DOCK10: variants seen among roughly 807,000 people sequenced by gnomAD.
DOCK10 encodes dedicator of cytokinesis protein 10.
DOCK10 carries 145 observed loss-of-function variants against 280.1 expected under a neutral mutation model. The observed-to-expected ratio is 0.52, with a 90% confidence interval of 0.45 to 0.59. The LOEUF is 0.59. Among genes scored for constraint, DOCK10 ranks in the 20% least tolerant of loss-of-function variants. The pLI is 0.00. For missense variants in DOCK10, 2,368 were observed against 2,651.7 expected (o/e 0.89, Z 2.35); for synonymous variants, 915 against 942.2 (o/e 0.97, Z 0.53).
At chr2:224,947,381 T>G (rs1024732751) in intron 1 of DOCK10, among the ~76,000 whole-genome samples, 3 of 152,220 alleles carry the variant, frequency 2.0e-5, no homozygotes, top group African/African-American at 7.2e-5. Context: ...AAAAGTCAAC[T>G]GTAATAATAT....
chr2:224,867,255 A>G (rs1379598133), intron 11 of DOCK10, among the ~76,000 whole-genome samples: 2 of 152,204 alleles, frequency 1.3e-5, no homozygotes, highest in East Asian at 3.8e-4. Flanking sequence ...AACAGTGAGA[A>G]TGCGGGATCT....
intron 1 of DOCK10, among the ~76,000 whole-genome samples, chr2:225,035,359 G>T (rs575543247): frequency 4.2e-4 from 63 of 151,510 alleles, no homozygotes; most frequent in African/African-American, 1.4e-3. Context: ...CATTCTTACC[G>T]CATTCAAGCA....
intron 14 of DOCK10, chr2:224,862,048 A>C (rs1320137271): frequency 6.6e-6 from 1 of 152,322 alleles, no homozygotes; most frequent in Non-Finnish European, 1.5e-5. Context: ...ATGATTAAAC[A>C]GTTCTGAAAA....
At chr2:224,938,232 A>AC (rs1392635539) in intron 1 of DOCK10, among the ~76,000 whole-genome samples, 2 of 151,674 alleles carry the variant, frequency 1.3e-5, no homozygotes, top group African/African-American at 4.8e-5. Context: ...GCCATTTGGA[A>AC]CTCCCTCTTC....
At chr2:224,951,821 A>C (rs1703747670) in intron 1 of DOCK10, among the ~76,000 whole-genome samples, 1 of 152,130 alleles carries the variant, frequency 6.6e-6, no homozygotes, top group South Asian at 2.1e-4. Context: ...GTTGTTGGCA[A>C]AATTTATTCC....
At chr2:224,911,775 C>G (rs1176841680) in intron 3 of DOCK10, among the ~76,000 whole-genome samples, 1 of 152,082 alleles carries the variant, frequency 6.6e-6, no homozygotes, top group Non-Finnish European at 1.5e-5. Flanking sequence ...CCGTATACAC[C>G]CCCAAAGAGA....
chr2:224,982,585 G>A, intron 1 of DOCK10: 1 of 892,532 alleles, frequency 1.1e-6, no homozygotes, highest in Non-Finnish European at 1.3e-6. Context: ...AGGAATATTA[G>A]AGCACTGCGC....
chr2:224,859,164 G>A (rs1697341849), intron 14 of DOCK10, among the ~76,000 whole-genome samples: 1 of 152,136 alleles, frequency 6.6e-6, no homozygotes, highest in Non-Finnish European at 1.5e-5. Context: ...TGTTAAAGAC[G>A]TTGTCAGTAT....
rs759807866 is a variant in DOCK10 at position 224,896,284 on chromosome 2, C to A, written c.416+11G>T. ...GGAAAAGACCAATAAGTGCTCATAA[C>A]AGGTTCTTACCGGGGTAGCTGTCGA... On this transcript the variant is annotated intron_variant, in intron 4 of 55. Coordinates refer to ENST00000258390, the MANE Select transcript of DOCK10 (RefSeq NM_014689.3). 2.5e-5 allele frequency: 38 copies of A among 1,539,732 alleles called. No homozygotes were observed. In the East Asian group the frequency reaches 4.6e-4, roughly 18 times the overall value.
chr2:224,892,893 GC>G (rs1444733290), intron 4 of DOCK10, among the ~76,000 whole-genome samples: 2 of 152,214 alleles, frequency 1.3e-5, no homozygotes, highest in Non-Finnish European at 2.9e-5. Context: ...TGTCTGTGGG[GC>G]TACTATGCAA....
intron 1 of DOCK10, among the ~76,000 whole-genome samples, chr2:225,025,461 A>G (rs1689895518): frequency 6.6e-6 from 1 of 152,216 alleles, no homozygotes; most frequent in Admixed American, 6.5e-5. Flanking sequence ...AATATGACTC[A>G]CCACAACTAG....
chr2:224,952,802 C>A (rs573930844), intron 1 of DOCK10, among the ~76,000 whole-genome samples: 2 of 151,904 alleles, frequency 1.3e-5, no homozygotes, highest in Non-Finnish European at 2.9e-5. Flanking sequence ...CCGTTTTAGC[C>A]GGGATGGTCT....
intron 7 of DOCK10, among the ~76,000 whole-genome samples, chr2:224,883,414 A>T (rs1372378884): frequency 6.6e-6 from 1 of 152,238 alleles, no homozygotes; most frequent in Non-Finnish European, 1.5e-5. Flanking sequence ...TTAGGAAAAA[A>T]TATCCGGAAC....
intron 3 of DOCK10, among the ~76,000 whole-genome samples, chr2:224,896,649 G>A (rs1700004672): frequency 6.6e-6 from 1 of 152,188 alleles, no homozygotes; most frequent in South Asian, 2.1e-4. Flanking sequence ...CCCAGGAGGT[G>A]GAGGTTGCAG....
At position 224,961,514 on chromosome 2, in the gene DOCK10, A is replaced by ATTTT. The variant is rs201581266; in HGVS notation, c.124-29850_124-29847dup. Among the ~76,000 whole-genome samples, 31 of 78,738 alleles carry ATTTT rather than the reference A, an allele frequency of 3.9e-4. 1 individual carries two copies. Among genetic ancestry groups the ATTTT allele is most frequent in the East Asian group, 1.7e-3 (5 of 2,912 alleles). The allele number at this position is 78,738 out of a possible 152,430, so 51.7% of individuals were successfully genotyped here. A position where few individuals can be genotyped will look rare whatever the true frequency, so the allele number is the denominator to read the frequency against. On this transcript the variant is annotated intron_variant, in intron 1 of 55. Transcript: ENST00000258390. ...TCTTTCCTTCCTTCCTTCTTTCTTC[A>ATTTT]TTTTTTTTTTTGAGACGGAGCCTCG...
rs1433007493 is a variant in DOCK10, at chr2:224,800,192, T to C, written c.4465A>G (p.Thr1489Ala). 1.9e-6 allele frequency: 3 copies of C among 1,612,114 alleles called. No individual in the cohort carries two copies. The highest frequency in any genetic ancestry group is 1.7e-4 in the Middle Eastern group (1 of 6,052). Residue 1489 changes from threonine to alanine, a missense_variant, in exon 41 of 56, where the codon ACT becomes GCT. By Grantham distance (58) the Thr-to-Ala change is moderately conservative. Coordinates refer to ENST00000258390, the MANE Select transcript of DOCK10 (RefSeq NM_014689.3). Reference sequence around the variant, plus strand: ...AAGAGGGATAACAGGTCCAGAATAGTGAGGCAAACCTCCGTAGCTATATTG... The same window carrying C: ...AAGAGGGATAACAGGTCCAGAATAGCGAGGCAAACCTCCGTAGCTATATTG... Reference protein sequence around the residue: ...EANIATEVCLTILDLLSLFTQ... With the variant: ...EANIATEVCLAILDLLSLFTQ...
chr2:224,773,513 T>C (rs542371575), intron 52 of DOCK10, among the ~76,000 whole-genome samples, 166 bp from the exon 53 acceptor site: 1 of 152,334 alleles, frequency 6.6e-6, no homozygotes, highest in South Asian at 2.1e-4. Context: ...TGCCATCCTC[T>C]CTAATACCTC....
chr2:225,009,601 C>G (rs930903558), intron 1 of DOCK10, among the ~76,000 whole-genome samples: 3 of 137,992 alleles, frequency 2.2e-5, no homozygotes, highest in African/African-American at 8.1e-5. Flanking sequence ...TGCAGAAATG[C>G]AGTTGAAGGG....
Position 225,042,274 on chromosome 2 carries a change from A to C in DOCK10, c.101T>G (p.Val34Gly), listed in dbSNP as rs1393127910. 1 of 1,331,890 alleles carries C rather than the reference A, an allele frequency of 7.5e-7. No individual in the cohort carries two copies. 82.5% of individuals were successfully genotyped at this position (1,331,890 alleles called of 1,614,324 possible). Residue 34 changes from valine to glycine, a missense_variant, in exon 1 of 56, where the codon GTC (valine) becomes GGC (glycine). This residue lies in a region of DOCK10 where 1,209 missense variants were observed against 1,250.9 expected (regional missense o/e 0.97). Transcript: ENST00000258390. The surrounding 1 kb of genome is among the most constrained non-coding windows in gnomAD (Gnocchi z 5.1). The stretch of plus-strand genomic sequence containing the variant: ...CACCCGCTGCTGCTGCCGGCTGCTG[A>C]CTGCCACCGCGGCGGCGGACGCGGC... ...HSAASAAAVA[V>G]SSRQQQRQEK...
Sources: allele counts gnomAD v4.1 joint callset (sites outside exome capture counted in the v4.1 genomes callset), GRCh38; gene constraint gnomAD v4.1.1; regional missense constraint gnomAD v4.1.1; non-coding constraint Gnocchi (gnomAD v3.1); transcripts MANE v1.5; gene names NCBI Gene and HGNC (gene_info 2026-07-23, HGNC 2026-07-21).